Variants in TAPBPL observed in about 807,000 individuals in gnomAD.
TAPBPL encodes the protein tapasin-related protein.
Under a neutral mutation model 44.8 loss-of-function variants are expected in TAPBPL, and 32 were observed. The ratio of observed to expected loss-of-function variants is 0.71; its 90% CI spans 0.54 to 0.96. The LOEUF is 0.96. TAPBPL is among the 40% of genes least tolerant of loss of function. The pLI, the probability that TAPBPL is intolerant of heterozygous loss-of-function variation, is 0.00. For missense variants in TAPBPL, 520 were observed against 586.6 expected, an observed-to-expected ratio of 0.89 and a Z score of 1.17; for synonymous variants, 230 against 240.7, an observed-to-expected ratio of 0.96 and a Z score of 0.41.
Position 6,462,199 on chromosome 12 carries a change from C to T in TAPBPL, c.*50C>T. On this transcript the variant is annotated 3_prime_UTR_variant, in exon 7 of 7. Transcript: ENST00000266556. Reference sequence around the variant, plus strand: ...AAAGAAACGACACCCTTCCCCAAGCCCCCACAGCTACTCCAACCCAAACAA... The same window carrying T: ...AAAGAAACGACACCCTTCCCCAAGCTCCCACAGCTACTCCAACCCAAACAA... The T allele has an allele frequency of 6.7e-7, 1 of 1,487,658 alleles. No individual in the cohort carries two copies. Among genetic ancestry groups the T allele is most frequent in the Non-Finnish European group, 9.2e-7 (1 of 1,091,992 alleles). 92.2% of individuals were successfully genotyped at this position (1,487,658 alleles called of 1,614,324 possible). A position where few individuals can be genotyped will look rare whatever the true frequency, so the allele number is the denominator to read the frequency against.
intron 3 of TAPBPL, among the ~76,000 whole-genome samples, chr12:6,454,049 C>T (rs1161620700): frequency 1.3e-5 from 2 of 151,896 alleles, no homozygotes; most frequent in African/African-American, 4.8e-5. Context: ...AAAAGCAAGT[C>T]ACAGAAAGTT....
At chr12:6,471,306 CCTGCTCCAGTCGAGG>C (rs1306280049), downstream of TAPBPL, among the ~76,000 whole-genome samples, 1 of 152,186 alleles carries the variant, frequency 6.6e-6, no homozygotes, top group Non-Finnish European at 1.5e-5. This position sits in a 1 kb window ranked among gnomAD's most constrained non-coding sequence, Gnocchi z 4.0. Context: ...CCCTCCCAAA[CCTGCTCCAGTCGAGG>C]TTACCACATC....
At chr12:6,466,402 G>A (rs1312866139), downstream of TAPBPL, 6 of 1,578,458 alleles carry the variant, frequency 3.8e-6, no homozygotes, top group South Asian at 1.2e-5. Context: ...CAAGAAAGGA[G>A]CTGGGCGTGG....
At position 6,457,733 on chromosome 12, in the gene TAPBPL, T is replaced by C. The variant is rs141867731; in HGVS notation, c.893T>C (p.Leu298Pro). 6.3e-7 allele frequency: 1 copy of C among 1,584,036 alleles called. No individual in the cohort carries two copies. Among genetic ancestry groups the C allele is most frequent in the African/African-American group, 1.3e-5 (1 of 74,476 alleles). ...TACCGAGCTCAGCAGATCATCCAGC[T>C]CAACATCCAAGGTGAGGCCAGGACA... is the stretch of plus-strand genomic sequence containing the variant. ...SLYRAQQIIQ[L>P]NIQASPKVRL... The change falls in exon 4 of 7, where the codon CTC becomes CCC. Residue 298 changes from leucine (L) to proline (P), a missense_variant. Leu to Pro is a moderately conservative substitution (Grantham distance 98). Transcript: ENST00000266556.
downstream of TAPBPL, chr12:6,470,695 C>T (rs1945754415): frequency 2.3e-6 from 2 of 874,084 alleles, no homozygotes; most frequent in South Asian, 3.0e-5. Context: ...CCGCGCCGGC[C>T]TCCGCCTTTA....
chr12:6,461,459 GC>G (rs1949857407), intron 6 of TAPBPL: 1 of 997,540 alleles, frequency 1.0e-6, no homozygotes, highest in Admixed American at 5.5e-5. Flanking sequence ...GGACAATGAG[GC>G]ATGGGTTGGG....
At chr12:6,452,434 C>A in intron 1 of TAPBPL, 122 bp downstream of exon 1, 5 of 1,445,226 alleles carry the variant, frequency 3.5e-6, no homozygotes, top group Non-Finnish European at 3.7e-6. Context: ...CTTCTAAGCC[C>A]AACAGGGGAA....
intron 3 of TAPBPL, among the ~76,000 whole-genome samples, chr12:6,454,023 A>G (rs1040933855): frequency 3.5e-4 from 53 of 151,882 alleles, no homozygotes; most frequent in African/African-American, 1.0e-3. Flanking sequence ...CTCAAAAAAA[A>G]AAAAGAAAAG....
At chr12:6,456,995 C>T (rs1565517293) in intron 3 of TAPBPL, among the ~76,000 whole-genome samples, 1 of 152,202 alleles carries the variant, frequency 6.6e-6, no homozygotes, top group Non-Finnish European at 1.5e-5. Context: ...TTCACAGCAT[C>T]CTTGCTTAAG....
At chr12:6,461,733 G>A (rs1565521606) in intron 6 of TAPBPL, among the ~76,000 whole-genome samples, 1 of 152,212 alleles carries the variant, frequency 6.6e-6, no homozygotes, top group Admixed American at 6.5e-5. Context: ...CAGGATACCT[G>A]CAAATGCCTC....
Position 6,453,788 on chromosome 12 carries a change from T to G in TAPBPL, c.565+72T>G. On this transcript the variant is annotated intron_variant, in intron 3 of 6. Coordinates refer to ENST00000266556, the MANE Select transcript of TAPBPL (RefSeq NM_018009.5). The surrounding 1 kb of genome is among the most constrained non-coding windows in gnomAD (Gnocchi z 4.8). ...ATTCCAGAATTTTGGGATACCGAGG[T>G]CGGTGGATCACCTGAGGTCAGGAGT... 1.4e-6 allele frequency: 2 copies of G among 1,466,416 alleles called. No individual in the cohort carries two copies. Among genetic ancestry groups the G allele is most frequent in the African/African-American group, 1.4e-5 (1 of 71,108 alleles). The allele number at this position is 1,466,416 out of a possible 1,614,324, so 90.8% of individuals were successfully genotyped here.
intron 3 of TAPBPL, among the ~76,000 whole-genome samples, chr12:6,456,447 C>T (rs561836317): frequency 1.3e-5 from 2 of 151,906 alleles, no homozygotes; most frequent in East Asian, 3.9e-4. Flanking sequence ...TCACCACAAC[C>T]TCCGCCTCCT....
chr12:6,470,621 C>G (rs1945750649), downstream of TAPBPL: 10 of 1,559,240 alleles, frequency 6.4e-6, no homozygotes, highest in Non-Finnish European at 5.3e-6. Context: ...GTGGACGGAA[C>G]TGCCAAGCTC....
intron 3 of TAPBPL, among the ~76,000 whole-genome samples, chr12:6,457,137 G>C (rs116781224): frequency 1.6e-4 from 25 of 152,308 alleles, no homozygotes; most frequent in African/African-American, 6.0e-4. Context: ...TCTTAATTTT[G>C]CATGTGTATT....
At chr12:6,462,550 G>C, downstream of TAPBPL, 1 of 551,500 alleles carries the variant, frequency 1.8e-6, no homozygotes, top group East Asian at 3.0e-5. Flanking sequence ...ACAGAAGAGG[G>C]TACAGGGTGG....
intron 3 of TAPBPL, among the ~76,000 whole-genome samples, chr12:6,456,148 T>C (rs1949696909): frequency 6.6e-6 from 1 of 152,216 alleles, no homozygotes. Flanking sequence ...CTGCTTTTTC[T>C]AAGTACACAA....
At chr12:6,464,178 T>C, downstream of TAPBPL, 1 of 1,451,808 alleles carries the variant, frequency 6.9e-7, no homozygotes, top group Non-Finnish European at 9.2e-7. Flanking sequence ...CCCCTTCCCT[T>C]GGCCTCCAAC....
chr12:6,463,076 C>A, downstream of TAPBPL: 1 of 1,533,782 alleles, frequency 6.5e-7, no homozygotes, highest in South Asian at 1.2e-5. The surrounding 1 kb of genome is among the most constrained non-coding windows in gnomAD (Gnocchi z 4.0). Context: ...ACATTAATAG[C>A]CCATCCTGAA....
downstream of TAPBPL, chr12:6,464,810 CCAGGCAGG>C: frequency 6.2e-7 from 1 of 1,604,206 alleles, no homozygotes; most frequent in Non-Finnish European, 8.5e-7. Flanking sequence ...GCCCCACTCC[CCAGGCAGG>C]CAGGCAGGCA....
Sources: gnomAD v4.1 joint callset for allele counts (sites outside exome capture counted in the v4.1 genomes callset) on GRCh38, gnomAD v4.1.1 for gene constraint, Gnocchi (gnomAD v3.1) non-coding constraint, MANE v1.5 for transcripts, NCBI Gene and HGNC (gene_info 2026-07-23, HGNC 2026-07-21) for gene names.